Variants in NFIA observed in about 807,000 individuals in gnomAD.
NFIA encodes nuclear factor 1 A-type.
A neutral mutation model predicts 62.8 loss-of-function variants in NFIA; 8 were observed. The observed-to-expected ratio is 0.13, with a 90% confidence interval of 0.07 to 0.23. The LOEUF (loss-of-function observed/expected upper bound fraction) is 0.23. NFIA is among the 10% of genes least tolerant of loss of function. The probability of loss-of-function intolerance (pLI) is 1.00; values close to 1 mark genes in which losing one functional copy is unlikely to be tolerated. For synonymous variants in NFIA, 235 were observed against 238.1 expected (o/e 0.99, Z 0.12); for missense variants, 410 against 642.1 (o/e 0.64, Z 3.91).
intron 3 of NFIA, among the ~76,000 whole-genome samples, chr1:61,287,265 C>G (rs1658563347): frequency 1.3e-5 from 2 of 152,154 alleles, no homozygotes; most frequent in South Asian, 4.1e-4. Flanking sequence ...AGGAATGAGA[C>G]TCTGATTTGT....
At chr1:61,200,314 T>C (rs539870149) in intron 2 of NFIA, among the ~76,000 whole-genome samples, 1 of 151,718 alleles carries the variant, frequency 6.6e-6, no homozygotes, top group Non-Finnish European at 1.5e-5. Flanking sequence ...TATTATGAGT[T>C]AATCCATGTA....
chr1:61,112,769 A>G (rs567776573), intron 2 of NFIA, among the ~76,000 whole-genome samples: 5 of 152,298 alleles, frequency 3.3e-5, no homozygotes, highest in Admixed American at 3.3e-4. Flanking sequence ...ACGTTTTCAT[A>G]CTAACCCACA....
At chr1:61,342,757 A>G (rs2100413367) in intron 4 of NFIA, among the ~76,000 whole-genome samples, 1 of 152,360 alleles carries the variant, frequency 6.6e-6, no homozygotes, top group South Asian at 2.1e-4. Flanking sequence ...AACTGATGAC[A>G]AAGGAAAGAC....
chr1:61,276,251 G>A (rs531062923), intron 2 of NFIA, among the ~76,000 whole-genome samples: 1 of 152,120 alleles, frequency 6.6e-6, no homozygotes, highest in Non-Finnish European at 1.5e-5. Context: ...TAAAAGCAGG[G>A]AGTCTTTTAA....
rs551522945 is a variant in NFIA at position 61,414,006 on chromosome 1, A to T, written c.1420+7279A>T. ...TTTTGTTTGTTTGTCTTTCTGCAAC[A>T]GAGTCTTGTTCTGTCACCCAGGCTG... On this transcript the variant is annotated intron_variant, in intron 9 of 10. Coordinates refer to ENST00000403491, the MANE Select transcript of NFIA (RefSeq NM_001134673.4). 3.5e-5 allele frequency among the ~76,000 whole-genome samples: 5 copies of T among 142,828 alleles called. No homozygotes were observed. The South Asian group carries it at 6.8e-4, about 19-fold the overall frequency. The allele number at this position is 142,828 out of a possible 152,430, so 93.7% of individuals were successfully genotyped here.
intron 2 of NFIA, among the ~76,000 whole-genome samples, chr1:61,117,760 T>C (rs754530383): frequency 6.6e-6 from 1 of 152,228 alleles, no homozygotes; most frequent in Non-Finnish European, 1.5e-5. Context: ...GAGCACCTGC[T>C]GGGTACAAGG....
intron 6 of NFIA, among the ~76,000 whole-genome samples, chr1:61,371,933 G>C (rs138310487): frequency 2.6e-4 from 40 of 152,198 alleles, no homozygotes; most frequent in African/African-American, 9.6e-4. Flanking sequence ...AAAGTTCATT[G>C]CATGAGTAGA....
Position 61,406,542 on chromosome 1 carries a change from T to TGGGGGGGG in NFIA, c.1255-19_1255-18insGGGGGGGG. 207 of 1,253,420 alleles carry TGGGGGGGG rather than the reference T, an allele frequency of 1.7e-4. No homozygotes were observed. Among genetic ancestry groups the TGGGGGGGG allele is most frequent in the East Asian group, 5.5e-4 (18 of 32,688 alleles). 77.6% of individuals were successfully genotyped at this position (1,253,420 alleles called of 1,614,324 possible). A position where few individuals can be genotyped will look rare whatever the true frequency, so the allele number is the denominator to read the frequency against. ...TTCTTTTTCTTGTACGTGTGTTTTC[T>TGGGGGGGG]GCCCCCCCCCCCCCCACAGCCCAAT... On this transcript the variant is annotated intron_variant, in intron 8 of 10. Coordinates refer to ENST00000403491, the MANE Select transcript of NFIA (RefSeq NM_001134673.4).
intron 2 of NFIA, among the ~76,000 whole-genome samples, chr1:61,126,962 T>G (rs193052808): frequency 9.3e-4 from 141 of 151,454 alleles, no homozygotes; most frequent in African/African-American, 3.4e-3. Flanking sequence ...CCGACTAGTT[T>G]TTGTATTTTT....
chr1:61,300,535 T>C (rs1384759198), intron 3 of NFIA, among the ~76,000 whole-genome samples: 1 of 152,108 alleles, frequency 6.6e-6, no homozygotes, highest in Non-Finnish European at 1.5e-5. Context: ...TTATTTAAAA[T>C]AATTCTCCAC....
At chr1:61,216,363 T>TA (rs149623777) in intron 2 of NFIA, among the ~76,000 whole-genome samples, 4,144 of 148,542 alleles carry the variant, frequency 0.028, 172 homozygotes, top group African/African-American at 0.092. Context: ...ACCCCTAAAT[T>TA]AAAAAAAAAA....
chr1:61,113,324 G>A (rs1354620705), intron 2 of NFIA, among the ~76,000 whole-genome samples: 1 of 151,990 alleles, frequency 6.6e-6, no homozygotes, highest in East Asian at 1.9e-4. Context: ...CAGGTGCAGG[G>A]GATCACACCT....
intron 2 of NFIA, among the ~76,000 whole-genome samples, chr1:61,097,870 G>C (rs1646443343): frequency 6.6e-6 from 1 of 152,114 alleles, no homozygotes; most frequent in South Asian, 2.1e-4. Flanking sequence ...CCTTTCAAAG[G>C]AGCTGACATG....
intron 2 of NFIA, among the ~76,000 whole-genome samples, chr1:61,144,306 T>C (rs2100511122): frequency 6.6e-6 from 1 of 152,334 alleles, no homozygotes. Flanking sequence ...ATGATGTATG[T>C]GAAAGTGTGA....
intron 3 of NFIA, among the ~76,000 whole-genome samples, chr1:61,323,145 AAG>A (rs1194596545): frequency 6.6e-6 from 1 of 152,224 alleles, no homozygotes; most frequent in Non-Finnish European, 1.5e-5. Flanking sequence ...CTTTTGGTCT[AAG>A]AGTACATTAT....
intron 2 of NFIA, among the ~76,000 whole-genome samples, chr1:61,264,370 G>A (rs182044817): frequency 7.9e-5 from 12 of 151,956 alleles, no homozygotes; most frequent in African/African-American, 2.2e-4. Context: ...TTGACTGAGC[G>A]TGGTGACTCA....
intron 2 of NFIA, among the ~76,000 whole-genome samples, chr1:61,202,951 A>T (rs1328296632): frequency 6.6e-6 from 1 of 152,254 alleles, no homozygotes; most frequent in African/African-American, 2.4e-5. Flanking sequence ...ACATTTGTGC[A>T]TTAAACTATG....
chr1:61,093,297 T>C (rs577560762), intron 2 of NFIA, among the ~76,000 whole-genome samples: 9 of 152,004 alleles, frequency 5.9e-5, no homozygotes, highest in Non-Finnish European at 1.3e-4. Context: ...TTTGTAATTA[T>C]TAATAAAGTG....
chr1:61,240,294 C>T (rs914115196), intron 2 of NFIA, among the ~76,000 whole-genome samples: 2 of 151,964 alleles, frequency 1.3e-5, no homozygotes, highest in Non-Finnish European at 2.9e-5. Context: ...AGTTATATCA[C>T]CATTGAAACT....
Sources: gnomAD v4.1 joint callset for allele counts (sites outside exome capture counted in the v4.1 genomes callset) on GRCh38, gnomAD v4.1.1 for gene constraint, MANE v1.5 for transcripts, NCBI Gene and HGNC (gene_info 2026-07-23, HGNC 2026-07-21) for gene names.